Variants in ADCY10 observed in about 807,000 individuals in gnomAD.
ADCY10 encodes the protein adenylate cyclase 10.
A neutral mutation model predicts 183.3 loss-of-function variants in ADCY10; 156 were observed. That is an observed-to-expected ratio of 0.85 (90% CI 0.75 to 0.97). The LOEUF (loss-of-function observed/expected upper bound fraction) is 0.97, where lower values mean the gene tolerates loss of function less well. ADCY10 is among the 50% of genes least tolerant of loss of function. The pLI, the probability that ADCY10 is intolerant of heterozygous loss-of-function variation, is 0.00. For missense variants in ADCY10, 1,745 were observed against 1,934.3 expected, an observed-to-expected ratio of 0.90 and a Z score of 1.84; for synonymous variants, 645 against 670.0, an observed-to-expected ratio of 0.96 and a Z score of 0.58.
intron 31 of ADCY10, among the ~76,000 whole-genome samples, chr1:167,815,262 T>C (rs1662461346): frequency 6.6e-6 from 1 of 152,184 alleles, no homozygotes; most frequent in Admixed American, 6.5e-5. Flanking sequence ...AAATCTCTCA[T>C]TCTTTCAGCA....
In ADCY10 at chr1:167,844,526, A is replaced by C. The variant is rs140360393; in HGVS notation, c.3007+1037T>G. Among the ~76,000 whole-genome samples, 722 of 152,332 alleles carry C rather than the reference A, an allele frequency of 4.7e-3. 5 individuals carry two copies. Among genetic ancestry groups the C allele is most frequent in the African/African-American group, 0.016 (675 of 41,566 alleles). On this transcript the variant is annotated intron_variant, in intron 21 of 32. Coordinates refer to ENST00000367851, the MANE Select transcript of ADCY10 (RefSeq NM_018417.6). ...CTCAGGTATAATGAGCAGAGGATGAACTTAGGAATTAGACTGATGGCAGAT... is the reference window on the plus strand; with the variant it reads ...CTCAGGTATAATGAGCAGAGGATGACCTTAGGAATTAGACTGATGGCAGAT...
intron 13 of ADCY10, among the ~76,000 whole-genome samples, chr1:167,873,846 T>C (rs1241224976): frequency 2.0e-5 from 3 of 152,190 alleles, no homozygotes; most frequent in Non-Finnish European, 4.4e-5. Flanking sequence ...GTAAATTTGA[T>C]TACATTAAAG....
chr1:167,845,293 T>C (rs1664922571), intron 21 of ADCY10, among the ~76,000 whole-genome samples: 1 of 152,230 alleles, frequency 6.6e-6, no homozygotes, highest in South Asian at 2.1e-4. Context: ...ATATTTTAGT[T>C]TGAGTTCTGG....
In ADCY10 at chr1:167,880,559, G is replaced by T. The variant is rs747845174; in HGVS notation, c.1071C>A (p.Asp357Glu). ...VFGFPGEKVP[D>E]ELTHALECAM... ...CACATTCCAGAGCATGAGTGAGCTC[G>T]TCAGGTACCTTTTCCCCAGGGAAGC... Residue 357 changes from aspartate to glutamate, a missense_variant, in exon 10 of 33, where the codon GAC becomes GAA. Coordinates refer to ENST00000367851, the MANE Select transcript of ADCY10 (RefSeq NM_018417.6). 6.2e-7 allele frequency: 1 copy of T among 1,614,078 alleles called. No homozygotes were observed. The highest frequency in any genetic ancestry group is 8.5e-7 in the Non-Finnish European group (1 of 1,180,014).
chr1:167,832,960 T>C lies in ADCY10; in HGVS notation c.3593+27A>G, dbSNP rs770664648. 6 of 1,610,396 alleles carry C rather than the reference T, an allele frequency of 3.7e-6. No individual in the cohort carries two copies. In the Admixed American group the frequency reaches 6.7e-5, roughly 18 times the overall value. ...CTCTCTGGGGAGTGAGACTAAACAG[T>C]CTGCTCTCCCCAGCTCCTTCCCTTA... is the stretch of plus-strand genomic sequence containing the variant. On this transcript the variant is annotated intron_variant, in intron 25 of 32. Transcript: ENST00000367851.
At chr1:167,819,841 A>T in intron 30 of ADCY10, 3 of 694,488 alleles carry the variant, frequency 4.3e-6, no homozygotes, top group African/African-American at 3.6e-5. Flanking sequence ...CTGGGATTAC[A>T]GGTGTCAGCC....
intron 31 of ADCY10, among the ~76,000 whole-genome samples, chr1:167,812,530 G>A (rs1408621218): frequency 6.6e-6 from 1 of 152,158 alleles, no homozygotes; most frequent in African/African-American, 2.4e-5. Flanking sequence ...AAACCCTGGG[G>A]AAGAGGGAGA....
chr1:167,824,924 GT>G (rs1235728916), intron 26 of ADCY10, 69 bp from the exon 27 acceptor site: 1 of 1,386,496 alleles, frequency 7.2e-7, no homozygotes, highest in Non-Finnish European at 1.0e-6. Flanking sequence ...ATCACTCAAT[GT>G]CTGCCAGTAA....
At chr1:167,822,884 C>T (rs1663001478) in intron 29 of ADCY10, 124 bp downstream of exon 29, 1 of 829,260 alleles carries the variant, frequency 1.2e-6, no homozygotes, top group Non-Finnish European at 2.1e-6. Flanking sequence ...CTCTCCATCC[C>T]TGCCCTGTAA....
rs200327717 is a variant in ADCY10, at chr1:167,856,340, T to C, written c.1996A>G (p.Ile666Val). The C allele has an allele frequency of 2.1e-5, 34 of 1,613,846 alleles. No homozygotes were observed. The highest frequency in any genetic ancestry group is 2.7e-5 in the Non-Finnish European group (32 of 1,179,934). Residue 666 changes from isoleucine (I) to valine (V), a missense_variant, in exon 17 of 33, where the codon ATC becomes GTC. Coordinates refer to ENST00000367851, the MANE Select transcript of ADCY10 (RefSeq NM_018417.6). ...FMEKLIRTLP[I>V]FIIMSLCPFV... ...GGACACAGGGACATAATGATGAAGATAGGAAGAGTCCGGATAAGCTTCTCC... is the reference window on the plus strand; with the variant it reads ...GGACACAGGGACATAATGATGAAGACAGGAAGAGTCCGGATAAGCTTCTCC...
At chr1:167,892,297 TAAA>T (rs1389813465) in intron 8 of ADCY10, among the ~76,000 whole-genome samples, 1 of 152,156 alleles carries the variant, frequency 6.6e-6, no homozygotes, top group Non-Finnish European at 1.5e-5. Context: ...CACAAATAAA[TAAA>T]AAACTTCTGT....
chr1:167,821,878 A>G (rs2101858531), intron 30 of ADCY10, 146 bp downstream of exon 30: 1 of 705,760 alleles, frequency 1.4e-6, no homozygotes, highest in Admixed American at 2.1e-5. Flanking sequence ...GATCCCTAAC[A>G]TGTCTCTCTG....
chr1:167,886,443 A>G (rs946963696), intron 8 of ADCY10, among the ~76,000 whole-genome samples: 1 of 152,144 alleles, frequency 6.6e-6, no homozygotes, highest in Non-Finnish European at 1.5e-5. Context: ...GACAAGAAAT[A>G]GGGAAAGGAT....
chr1:167,834,034 A>G lies in ADCY10; in HGVS notation c.3353T>C (p.Leu1118Pro). Residue 1118 changes from leucine to proline, a missense_variant, in exon 24 of 33, where the codon CTC becomes CCC. Physicochemically the swap from Leu to Pro is moderately conservative, Grantham distance 98. Transcript: ENST00000367851. ...LNEGQKLLKT[L>P]KKDKSWSQTF... is the part of the protein sequence containing the mutation. Reference sequence around the variant, plus strand: ...CTGGCTCCAAGATTTGTCCTTCTTGAGAGTTTTTAGCAACTTCTGTCCTTC... The same window carrying G: ...CTGGCTCCAAGATTTGTCCTTCTTGGGAGTTTTTAGCAACTTCTGTCCTTC... 6.2e-7 allele frequency: 1 copy of G among 1,614,146 alleles called. No homozygotes were observed. Among genetic ancestry groups the G allele is most frequent in the Non-Finnish European group, 8.5e-7 (1 of 1,180,020 alleles).
At chr1:167,812,580 T>A (rs1387884636) in intron 31 of ADCY10, among the ~76,000 whole-genome samples, 4 of 152,050 alleles carry the variant, frequency 2.6e-5, no homozygotes. Context: ...GATTCAAAGG[T>A]CTAGTTTCCA....
intron 7 of ADCY10, among the ~76,000 whole-genome samples, chr1:167,895,262 C>A (rs1668884657): frequency 6.6e-6 from 1 of 151,802 alleles, no homozygotes; most frequent in Non-Finnish European, 1.5e-5. Flanking sequence ...TAGAAGGTAC[C>A]ATTAAGACCC....
intron 8 of ADCY10, 29 bp downstream of exon 8, chr1:167,893,824 A>G (rs1232485009): frequency 6.5e-7 from 1 of 1,532,432 alleles, no homozygotes; most frequent in African/African-American, 1.4e-5. Context: ...TGACATCCCC[A>G]AAGCCAGTAA....
rs1366073113 is a variant in ADCY10, at chr1:167,809,572, C to G, written c.*106G>C. ...AACATGTCTGTTTCTGTGTCTGGAACAGAAGAGATTATGTAGGAACCTGGA... is the reference window on the plus strand; with the variant it reads ...AACATGTCTGTTTCTGTGTCTGGAAGAGAAGAGATTATGTAGGAACCTGGA... On this transcript the variant is annotated 3_prime_UTR_variant, in exon 33 of 33. Coordinates refer to ENST00000367851, the MANE Select transcript of ADCY10 (RefSeq NM_018417.6). The G allele has an allele frequency of 8.1e-7, 1 of 1,229,512 alleles. No homozygotes were observed. The highest frequency in any genetic ancestry group is 1.2e-6 in the Non-Finnish European group (1 of 837,178). 76.2% of individuals were successfully genotyped at this position (1,229,512 alleles called of 1,614,324 possible). A position where few individuals can be genotyped will look rare whatever the true frequency, so the allele number is the denominator to read the frequency against.
At chr1:167,884,123 T>C (rs1168874129) in intron 8 of ADCY10, among the ~76,000 whole-genome samples, 1 of 152,214 alleles carries the variant, frequency 6.6e-6, no homozygotes, top group Non-Finnish European at 1.5e-5. Flanking sequence ...TATACTCTTT[T>C]AGTTATTTTT....
Sources: allele counts gnomAD v4.1 joint callset (sites outside exome capture counted in the v4.1 genomes callset), GRCh38; gene constraint gnomAD v4.1.1; transcripts MANE v1.5; gene names NCBI Gene and HGNC (gene_info 2026-07-23, HGNC 2026-07-21).